Variants in SH3RF1 observed in about 807,000 individuals in gnomAD.
SH3RF1 encodes SH3 domain containing ring finger 1.
SH3RF1 carries 32 observed loss-of-function variants against 74.0 expected under a neutral mutation model. The observed-to-expected ratio is 0.43, with a 90% CI of 0.33 to 0.58. The LOEUF is 0.58. Ranked by LOEUF, SH3RF1 falls within the 20% of genes least tolerant of loss-of-function variation. SH3RF1 has a pLI of 0.05. For missense variants in SH3RF1, 954 were observed against 1,130.9 expected, an observed-to-expected ratio of 0.84 and a Z score of 2.24; for synonymous variants, 396 against 439.6, an observed-to-expected ratio of 0.90 and a Z score of 1.24.
At chr4:169,229,469 C>A (rs914146845) in intron 2 of SH3RF1, among the ~76,000 whole-genome samples, 2 of 151,536 alleles carry the variant, frequency 1.3e-5, no homozygotes, top group Non-Finnish European at 1.5e-5. Flanking sequence ...ATACCACCCC[C>A]CCACCCAAAA....
At chr4:169,122,648 T>G (rs536623108) in intron 6 of SH3RF1, among the ~76,000 whole-genome samples, 1 of 152,302 alleles carries the variant, frequency 6.6e-6, no homozygotes, top group Admixed American at 6.5e-5. Flanking sequence ...TGCTAGGAAT[T>G]AATTTGTGAT....
chr4:169,268,062 A>C (rs1731382862), intron 2 of SH3RF1, among the ~76,000 whole-genome samples: 1 of 151,920 alleles, frequency 6.6e-6, no homozygotes, highest in African/African-American at 2.4e-5. Flanking sequence ...TAATAAATAC[A>C]GATTATTTAT....
chr4:169,177,842 T>A (rs1734446231), intron 2 of SH3RF1, among the ~76,000 whole-genome samples: 2 of 152,236 alleles, frequency 1.3e-5, no homozygotes, highest in African/African-American at 4.8e-5. Flanking sequence ...ACCTTACATA[T>A]GTGTATGTAT....
At position 169,136,301 on chromosome 4, in the gene SH3RF1, C is replaced by T. The variant is rs1733697871; in HGVS notation, c.1068+17G>A. ...GTGGGTGAGCTCTTTTTATATAACA[C>T]TTGTTTGAGGATTTACCTGAGAAGG... On this transcript the variant is annotated intron_variant, in intron 5 of 11. Transcript: ENST00000284637. 3 of 1,397,538 alleles carry T rather than the reference C, an allele frequency of 2.1e-6. No individual in the cohort carries two copies. Among genetic ancestry groups the T allele is most frequent in the African/African-American group, 2.9e-5 (2 of 68,788 alleles). The allele number at this position is 1,397,538 out of a possible 1,614,324, so 86.6% of individuals were successfully genotyped here. A position where few individuals can be genotyped will look rare whatever the true frequency, so the allele number is the denominator to read the frequency against.
intron 3 of SH3RF1, 110 bp downstream of exon 3, chr4:169,156,294 C>T: frequency 1.6e-6 from 2 of 1,267,264 alleles, no homozygotes; most frequent in Non-Finnish European, 2.1e-6. Flanking sequence ...GTGAGTAGTT[C>T]ACACAAAACT....
chr4:169,180,502 C>G (rs1734491164), intron 2 of SH3RF1, among the ~76,000 whole-genome samples: 1 of 152,146 alleles, frequency 6.6e-6, no homozygotes, highest in Non-Finnish European at 1.5e-5. Flanking sequence ...GTCTTCAAAG[C>G]AAAAGTGCGG....
At position 169,136,400 on chromosome 4, in the gene SH3RF1, G is replaced by T. The variant is rs371090000; in HGVS notation, c.986C>A (p.Pro329His). ...GGGGTTGCTGGAGCTGATGAGGACA[G>T]GGGGGCTGATCTCCATGGAGTGGCG... ...QNRHSMEISP[P>H]VLISSSNPTA... Residue 329 changes from proline to histidine, a missense_variant, in exon 5 of 12, where the codon CCT becomes CAT. This residue lies in a region of SH3RF1 where 854 missense variants were observed against 962.5 expected (regional missense o/e 0.89). Transcript: ENST00000284637. The T allele has an allele frequency of 3.7e-6, 6 of 1,604,372 alleles. No homozygotes were observed. Among genetic ancestry groups the T allele is most frequent in the Non-Finnish European group, 5.1e-6 (6 of 1,175,442 alleles).
Position 169,130,285 on chromosome 4 carries a change from G to A in SH3RF1, c.1069-129C>T. The A allele has an allele frequency of 3.2e-5, 23 of 708,742 alleles. No homozygotes were observed. The South Asian group carries it at 4.8e-4, about 15-fold the overall frequency. 43.9% of individuals were successfully genotyped at this position (708,742 alleles called of 1,614,324 possible). On this transcript the variant is annotated intron_variant, in intron 5 of 11. Transcript: ENST00000284637. ...TACTTTCTGTTATTTGGGGAAGGTA[G>A]AATCCCTTTTAGTCTGCTCAACCCA...
At chr4:169,169,663 T>C (rs1734294516) in intron 2 of SH3RF1, among the ~76,000 whole-genome samples, 1 of 152,016 alleles carries the variant, frequency 6.6e-6, no homozygotes, top group African/African-American at 2.4e-5. Flanking sequence ...TGTTTAAAGG[T>C]GAGAGAAGGA....
At chr4:169,241,616 A>G (rs1253360275) in intron 2 of SH3RF1, among the ~76,000 whole-genome samples, 1 of 152,184 alleles carries the variant, frequency 6.6e-6, no homozygotes, top group Non-Finnish European at 1.5e-5. Context: ...GCCCTGGAGT[A>G]GGGCCCAAGT....
chr4:169,164,097 G>A (rs1246525735), intron 2 of SH3RF1, among the ~76,000 whole-genome samples: 3 of 152,112 alleles, frequency 2.0e-5, no homozygotes, highest in Non-Finnish European at 4.4e-5. Context: ...CTCTTTTTAT[G>A]TACACCTAGA....
At chr4:169,161,801 A>C (rs982891406) in intron 2 of SH3RF1, among the ~76,000 whole-genome samples, 22 of 152,370 alleles carry the variant, frequency 1.4e-4, no homozygotes, top group African/African-American at 5.3e-4. Flanking sequence ...TTCCAGAAAG[A>C]ACTGAGGCAC....
intron 5 of SH3RF1, among the ~76,000 whole-genome samples, chr4:169,135,988 C>A (rs1243455819): frequency 6.6e-6 from 1 of 152,152 alleles, no homozygotes; most frequent in Non-Finnish European, 1.5e-5. Context: ...TTTTAGTTGG[C>A]AAGATCTCCC....
At chr4:169,153,907 G>T (rs187771605) in intron 4 of SH3RF1, among the ~76,000 whole-genome samples, 99 of 152,284 alleles carry the variant, frequency 6.5e-4, no homozygotes, top group African/African-American at 2.3e-3. Context: ...AGTGACTCTG[G>T]ATTTGCCATG....
intron 2 of SH3RF1, among the ~76,000 whole-genome samples, chr4:169,251,247 A>G (rs774798558): frequency 6.6e-6 from 1 of 152,224 alleles, no homozygotes; most frequent in Non-Finnish European, 1.5e-5. Flanking sequence ...TAGGTTTTAC[A>G]GGGAGGGTGG....
At chr4:169,170,705 T>C (rs112494565) in intron 2 of SH3RF1, among the ~76,000 whole-genome samples, 2,630 of 152,254 alleles carry the variant, frequency 0.017, 68 homozygotes, top group African/African-American at 0.06. Context: ...TTCCATCCTA[T>C]ATAGATCTGC....
At chr4:169,217,603 G>A (rs1356997839) in intron 2 of SH3RF1, among the ~76,000 whole-genome samples, 1 of 152,120 alleles carries the variant, frequency 6.6e-6, no homozygotes, top group Admixed American at 6.6e-5. Flanking sequence ...ACTAAACCAG[G>A]GGTTCTGGAC....
intron 2 of SH3RF1, among the ~76,000 whole-genome samples, chr4:169,236,382 G>GCA (rs1730824482): frequency 6.6e-6 from 1 of 152,142 alleles, no homozygotes; most frequent in South Asian, 2.1e-4. Context: ...ACTATAATGA[G>GCA]CGGTGTCCCT....
rs561691767 is a variant in SH3RF1, at chr4:169,211,923, C to A, written c.394-55244G>T. On this transcript the variant is annotated intron_variant, in intron 2 of 11. Coordinates refer to ENST00000284637, the MANE Select transcript of SH3RF1 (RefSeq NM_020870.4). ...AATATCAGAAAAATTGCAAAAGTCA[C>A]TGTTACATGTTTTTTCCCAAATGTA... is the stretch of plus-strand genomic sequence containing the variant. 1.1e-4 allele frequency among the ~76,000 whole-genome samples: 16 copies of A among 152,202 alleles called. No homozygotes were observed. In the South Asian group the frequency reaches 3.3e-3, roughly 32 times the overall value.
Sources: gnomAD v4.1 joint callset for allele counts (sites outside exome capture counted in the v4.1 genomes callset) on GRCh38, gnomAD v4.1.1 for gene constraint, gnomAD v4.1.1 regional missense constraint, MANE v1.5 for transcripts, NCBI Gene and HGNC (gene_info 2026-07-23, HGNC 2026-07-21) for gene names.